ZFHX3: variants seen among roughly 807,000 people sequenced by gnomAD.
The protein encoded by ZFHX3 is zinc finger homeobox protein 3.
Under a neutral mutation model 279.1 loss-of-function variants are expected in ZFHX3, and 42 were observed. The ratio of observed to expected loss-of-function variants is 0.15; its 90% CI spans 0.12 to 0.19. The LOEUF (loss-of-function observed/expected upper bound fraction) is 0.19, where lower values mean the gene tolerates loss of function less well. ZFHX3 is among the 10% of genes least tolerant of loss of function. ZFHX3 has a pLI of 1.00. For synonymous variants in ZFHX3, 2,293 were observed against 1,957.8 expected (o/e 1.17, Z -4.52); for missense variants, 4,981 against 4,754.0 (o/e 1.05, Z -1.40).
intron 3 of ZFHX3, chr16:73,387,351 C>A (rs1239178572): frequency 6.6e-6 from 1 of 151,204 alleles, no homozygotes; most frequent in East Asian, 1.9e-4. Context: ...TAACATTTTG[C>A]AAAAAAAATA....
chr16:72,868,478 C>T (rs1000734716), intron 4 of ZFHX3, among the ~76,000 whole-genome samples: 3 of 152,236 alleles, frequency 2.0e-5, no homozygotes, highest in African/African-American at 7.2e-5. Context: ...TCACATTCTT[C>T]CATCTTCCAC....
chr16:73,433,427 T>G (rs2017943669), intron 3 of ZFHX3, among the ~76,000 whole-genome samples: 1 of 152,152 alleles, frequency 6.6e-6, no homozygotes, highest in African/African-American at 2.4e-5. Flanking sequence ...ATCAAAAACA[T>G]GCACAGCACC....
chr16:72,973,540 T>A (rs1264710541), intron 1 of ZFHX3: 1 of 152,246 alleles, frequency 6.6e-6, no homozygotes, highest in Non-Finnish European at 1.5e-5. Context: ...AAACCTGGGA[T>A]ATCCTTAAAG....
chr16:72,961,460 G>A (rs1029716653), intron 1 of ZFHX3, among the ~76,000 whole-genome samples: 2 of 152,114 alleles, frequency 1.3e-5, no homozygotes, highest in African/African-American at 4.8e-5. Context: ...TCAGCACCTC[G>A]CAGAGCCCTG....
chr16:72,972,337 A>AC (rs1344013259), intron 1 of ZFHX3, among the ~76,000 whole-genome samples: 1 of 152,030 alleles, frequency 6.6e-6, no homozygotes, highest in Non-Finnish European at 1.5e-5. Flanking sequence ...AGAGAGTCTG[A>AC]CCTACTTACA....
At chr16:73,037,439 T>C (rs1964951188) in intron 1 of ZFHX3, among the ~76,000 whole-genome samples, 1 of 152,158 alleles carries the variant, frequency 6.6e-6, no homozygotes, top group African/African-American at 2.4e-5. Context: ...CCAGGGCTGT[T>C]CTGTTTACTA....
intron 2 of ZFHX3, among the ~76,000 whole-genome samples, chr16:73,615,496 C>A (rs1170351938): frequency 1.3e-5 from 2 of 152,210 alleles, no homozygotes; most frequent in Admixed American, 6.5e-5. Flanking sequence ...AATCTATAAA[C>A]TAGCAAAATC....
At chr16:72,907,909 C>G (rs1359369374) in intron 3 of ZFHX3, among the ~76,000 whole-genome samples, 1 of 152,028 alleles carries the variant, frequency 6.6e-6, no homozygotes, top group African/African-American at 2.4e-5. Flanking sequence ...GTCTCAAACT[C>G]CTGGCCTCAA....
At chr16:73,380,142 G>A (rs2016794653) in intron 3 of ZFHX3, among the ~76,000 whole-genome samples, 1 of 151,972 alleles carries the variant, frequency 6.6e-6, no homozygotes, top group Non-Finnish European at 1.5e-5. Flanking sequence ...AATGGAGAAT[G>A]ACATTATATA....
chr16:73,155,693 T>C (rs537900524), intron 5 of ZFHX3, among the ~76,000 whole-genome samples: 49 of 152,040 alleles, frequency 3.2e-4, no homozygotes, highest in African/African-American at 1.2e-3. Flanking sequence ...CATGGCGGCA[T>C]GCGCATGTAA....
intron 2 of ZFHX3, among the ~76,000 whole-genome samples, chr16:73,645,919 T>C (rs1398418352): frequency 6.6e-6 from 1 of 152,188 alleles, no homozygotes; most frequent in Non-Finnish European, 1.5e-5. Flanking sequence ...TAGTCTTGTG[T>C]AGCTCATTCT....
chr16:73,567,221 C>G (rs2020464500), intron 2 of ZFHX3, among the ~76,000 whole-genome samples: 1 of 152,030 alleles, frequency 6.6e-6, no homozygotes, highest in Admixed American at 6.5e-5. Flanking sequence ...TCATCTGGAG[C>G]TCCTTACTGA....
intron 4 of ZFHX3, among the ~76,000 whole-genome samples, chr16:73,260,349 G>A (rs2013784876): frequency 1.3e-5 from 2 of 152,088 alleles, no homozygotes; most frequent in Admixed American, 6.5e-5. Flanking sequence ...CTTTTTGGGA[G>A]ATATTTTGAG....
At chr16:73,013,084 C>T (rs1597090669) in intron 1 of ZFHX3, among the ~76,000 whole-genome samples, 3 of 152,292 alleles carry the variant, frequency 2.0e-5, no homozygotes, top group South Asian at 4.2e-4. Flanking sequence ...ACCTACCAAT[C>T]ACGGGAGTGA....
At chr16:73,357,077 C>T (rs1367842468) in intron 3 of ZFHX3, among the ~76,000 whole-genome samples, 1 of 151,888 alleles carries the variant, frequency 6.6e-6, no homozygotes, top group Non-Finnish European at 1.5e-5. Context: ...GGACTTCTTT[C>T]CTTCCCCTCT....
intron 4 of ZFHX3, among the ~76,000 whole-genome samples, chr16:73,269,560 C>G (rs1771932652): frequency 6.6e-6 from 1 of 152,134 alleles, no homozygotes; most frequent in Non-Finnish European, 1.5e-5. Flanking sequence ...TATTTTCCAG[C>G]AAATGGACAT....
At chr16:73,670,760 T>C (rs901499173) in intron 2 of ZFHX3, among the ~76,000 whole-genome samples, 2 of 152,204 alleles carry the variant, frequency 1.3e-5, no homozygotes, top group African/African-American at 4.8e-5. Flanking sequence ...GACTCTTTTT[T>C]CCTTAAGGAT....
At chr16:73,489,386 C>T (rs2019023146) in intron 2 of ZFHX3, among the ~76,000 whole-genome samples, 1 of 152,090 alleles carries the variant, frequency 6.6e-6, no homozygotes, top group Non-Finnish European at 1.5e-5. Flanking sequence ...GTGAGATGAG[C>T]AACGTAGAAA....
At position 73,791,626 on chromosome 16, in the gene ZFHX3, T is replaced by C. The variant is rs1447863641; in HGVS notation, c.-1608+100025A>G. ...TTTTAATAGAGATGGGGTTTCACCA[T>C]GTTGGCCAGGATGGTCTCGATCTCC... On this transcript the variant is annotated intron_variant, in intron 1 of 17. Transcript: ENST00000641206. Among the ~76,000 whole-genome samples, 5 of 151,958 alleles carry C rather than the reference T, an allele frequency of 3.3e-5. No individual in the cohort carries two copies. In the East Asian group the frequency reaches 5.8e-4, roughly 18 times the overall value.
Sources: allele counts gnomAD v4.1 joint callset (sites outside exome capture counted in the v4.1 genomes callset), GRCh38; gene constraint gnomAD v4.1.1; transcripts MANE v1.5; gene names NCBI Gene and HGNC (gene_info 2026-07-23, HGNC 2026-07-21).